Variants in ANK3 observed in about 807,000 individuals in gnomAD.
ANK3 encodes the protein ankyrin 3.
Under a neutral mutation model 370.9 loss-of-function variants are expected in ANK3, and 57 were observed. That is an observed-to-expected ratio of 0.15 (90% CI 0.12 to 0.19). The LOEUF (loss-of-function observed/expected upper bound fraction) is 0.19. Among genes scored for constraint, ANK3 ranks in the 10% least tolerant of loss-of-function variants. ANK3 has a pLI of 1.00. For synonymous variants in ANK3, 1,929 were observed against 1,946.3 expected, an observed-to-expected ratio of 0.99 and a Z score of 0.23; for missense variants, 4,439 against 5,302.1, an observed-to-expected ratio of 0.84 and a Z score of 5.06.
At chr10:60,243,230 TACTC>T (rs1199471937) in intron 7 of ANK3, among the ~76,000 whole-genome samples, 2 of 152,228 alleles carry the variant, frequency 1.3e-5, no homozygotes, top group East Asian at 3.8e-4. Flanking sequence ...TAATAGTACT[TACTC>T]ATATCATAGT....
intron 2 of ANK3, among the ~76,000 whole-genome samples, chr10:60,589,979 T>C (rs1434774735): frequency 2.0e-5 from 3 of 152,218 alleles, no homozygotes; most frequent in African/African-American, 7.2e-5. Context: ...GGTGTAGTCT[T>C]CAAGCCACAA....
intron 2 of ANK3, among the ~76,000 whole-genome samples, chr10:60,542,819 G>A (rs1223166322): frequency 1.3e-5 from 2 of 151,858 alleles, no homozygotes; most frequent in East Asian, 1.9e-4. Flanking sequence ...CCCACTCGGC[G>A]CAGGTTGAGG....
At position 60,226,244 on chromosome 10, in the gene ANK3, A is replaced by G. The variant is rs1356279423; in HGVS notation, c.897+8444T>C. Among the ~76,000 whole-genome samples, 7 of 120,798 alleles carry G rather than the reference A, an allele frequency of 5.8e-5. 1 individual carries two copies. Among genetic ancestry groups the G allele is most frequent in the African/African-American group, 2.3e-4 (7 of 30,538 alleles). 79.2% of individuals were successfully genotyped at this position (120,798 alleles called of 152,430 possible). A position where few individuals can be genotyped will look rare whatever the true frequency, so the allele number is the denominator to read the frequency against. On this transcript the variant is annotated intron_variant, in intron 8 of 43. Coordinates refer to ENST00000280772, the MANE Select transcript of ANK3 (RefSeq NM_020987.5). ...TATATATACTATGTATATATACTATATTATATAGTATATGTAATACTATAT... is the reference window on the plus strand; with the variant it reads ...TATATATACTATGTATATATACTATGTTATATAGTATATGTAATACTATAT...
At chr10:60,482,659 G>T (rs552639215) in intron 2 of ANK3, among the ~76,000 whole-genome samples, 1 of 151,960 alleles carries the variant, frequency 6.6e-6, no homozygotes, top group Non-Finnish European at 1.5e-5. Context: ...GCTAATTTTT[G>T]TAATTTTTGT....
At chr10:60,248,461 G>T (rs1230142000) in intron 7 of ANK3, among the ~76,000 whole-genome samples, 5 of 151,898 alleles carry the variant, frequency 3.3e-5, no homozygotes, top group African/African-American at 1.2e-4. Context: ...AGAAATTTGG[G>T]GGCACTAAAG....
chr10:60,471,393 T>C (rs533673599), intron 2 of ANK3, among the ~76,000 whole-genome samples: 3 of 152,312 alleles, frequency 2.0e-5, no homozygotes, highest in African/African-American at 7.2e-5. Context: ...TGGTATCATT[T>C]TTCCAGTTAC....
chr10:60,311,626 G>A (rs1035687358), intron 1 of ANK3, among the ~76,000 whole-genome samples: 4 of 151,928 alleles, frequency 2.6e-5, no homozygotes, highest in Admixed American at 1.3e-4. Context: ...CACCTAGTAC[G>A]TCTCCCCTCT....
intron 13 of ANK3, 62 bp downstream of exon 13, chr10:60,200,067 A>C: frequency 1.5e-6 from 2 of 1,346,594 alleles, no homozygotes; most frequent in Non-Finnish European, 2.1e-6. Context: ...TATACTTAAA[A>C]GTTTTATGAA....
intron 1 of ANK3, among the ~76,000 whole-genome samples, chr10:60,642,505 CA>C (rs1301480816): frequency 2.0e-5 from 3 of 151,996 alleles, no homozygotes; most frequent in African/African-American, 7.3e-5. Flanking sequence ...AATTGGAAAT[CA>C]TCATTCTCAG....
At chr10:60,242,611 T>G (rs1440949725) in intron 7 of ANK3, among the ~76,000 whole-genome samples, 1 of 152,192 alleles carries the variant, frequency 6.6e-6, no homozygotes, top group East Asian at 1.9e-4. Context: ...TACACCCACT[T>G]TCATGAGAGC....
intron 2 of ANK3, among the ~76,000 whole-genome samples, chr10:60,402,356 C>T (rs2063368839): frequency 6.6e-6 from 1 of 152,106 alleles, no homozygotes; most frequent in African/African-American, 2.4e-5. Flanking sequence ...GAATTTACTG[C>T]TCAGTAAGGC....
At chr10:60,322,008 T>C (rs370692269) in intron 1 of ANK3, among the ~76,000 whole-genome samples, 1 of 152,164 alleles carries the variant, frequency 6.6e-6, no homozygotes, top group African/African-American at 2.4e-5. Context: ...TTTTGTAACA[T>C]AATATTTTAC....
intron 1 of ANK3, among the ~76,000 whole-genome samples, chr10:60,651,280 T>C (rs1420386773): frequency 6.6e-6 from 1 of 152,170 alleles, no homozygotes; most frequent in Non-Finnish European, 1.5e-5. Flanking sequence ...ACAGATACTT[T>C]GTGTGTTCAA....
At position 60,560,568 on chromosome 10, in the gene ANK3, T is replaced by G. The variant is rs1490955680; in HGVS notation, c.96+54618A>C. On this transcript the variant is annotated intron_variant, in intron 2 of 43. Transcript: ENST00000373827. ...TTTAACTTTAAGACATAGAGAACAG[T>G]TACGGAGAAAAAGTGCTGCTTAATG... is the stretch of plus-strand genomic sequence containing the variant. Among the ~76,000 whole-genome samples the G allele has an allele frequency of 2.0e-5, 3 of 152,210 alleles. No individual in the cohort carries two copies. The East Asian group carries it at 5.8e-4, about 29-fold the overall frequency.
intron 7 of ANK3, among the ~76,000 whole-genome samples, chr10:60,236,470 C>T (rs1330463039): frequency 1.3e-5 from 2 of 152,084 alleles, no homozygotes; most frequent in South Asian, 2.1e-4. Context: ...TTTTTCCCCC[C>T]GTGTTCATTT....
chr10:60,157,494 C>T (rs1180688168), intron 23 of ANK3, among the ~76,000 whole-genome samples: 3 of 151,908 alleles, frequency 2.0e-5, no homozygotes, highest in Admixed American at 1.3e-4. Context: ...GCCACCATGG[C>T]CAGCTAATTT....
chr10:60,118,215 T>C (rs549006956), intron 25 of ANK3, among the ~76,000 whole-genome samples: 1 of 152,120 alleles, frequency 6.6e-6, no homozygotes, highest in South Asian at 2.1e-4. Flanking sequence ...TTTTATTTAA[T>C]TGCATAACTT....
intron 25 of ANK3, among the ~76,000 whole-genome samples, chr10:60,114,765 C>T (rs1309877483): frequency 1.3e-5 from 2 of 152,176 alleles, no homozygotes; most frequent in African/African-American, 4.8e-5. Flanking sequence ...AGTGCTTCTT[C>T]CAAGTAAGCC....
chr10:60,491,331 C>T (rs1353758413), intron 2 of ANK3, among the ~76,000 whole-genome samples: 1 of 152,150 alleles, frequency 6.6e-6, no homozygotes, highest in Non-Finnish European at 1.5e-5. Flanking sequence ...TTGCATAAAT[C>T]AACTGTTCTT....
Sources: allele counts gnomAD v4.1 joint callset (sites outside exome capture counted in the v4.1 genomes callset), GRCh38; gene constraint gnomAD v4.1.1; transcripts MANE v1.5; gene names NCBI Gene and HGNC (gene_info 2026-07-23, HGNC 2026-07-21).